The following DMD variants were observed in gnomAD, a reference collection of about 807,000 sequenced individuals.
The protein encoded by DMD is mutant dystrophin.
In DMD, 63 loss-of-function variants were observed where a neutral mutation model predicts 330.1. The ratio of observed to expected loss-of-function variants is 0.19; its 90% CI spans 0.16 to 0.24. DMD has a LOEUF of 0.24. Among genes scored for constraint, DMD ranks in the 10% least tolerant of loss-of-function variants. The pLI, the probability that DMD is intolerant of heterozygous loss-of-function variation, is 1.00. For missense variants in DMD, 3,344 were observed against 2,684.1 expected (o/e 1.25, Z -5.43); for synonymous variants, 1,223 against 959.8 (o/e 1.27, Z -5.07).
intron 2 of DMD, among the ~76,000 whole-genome samples, chrX:32,977,324 G>T (rs1245508927): frequency 9.0e-6 from 1 of 110,686 alleles, no homozygotes; most frequent in Non-Finnish European, 1.9e-5. Context: ...AAGAAATAAT[G>T]TATACATATT....
chrX:32,506,976 G>C (rs868004428), intron 18 of DMD, among the ~76,000 whole-genome samples: 18 of 111,515 alleles, frequency 1.6e-4, no homozygotes, highest in South Asian at 1.1e-3. Flanking sequence ...TAGTTTTTGT[G>C]ATCTAAGTTA....
chrX:31,197,198 G>A (rs1340975807), intron 67 of DMD, among the ~76,000 whole-genome samples: 3 of 111,573 alleles, frequency 2.7e-5, no homozygotes, highest in Non-Finnish European at 3.8e-5. Context: ...CAGTCACACA[G>A]CCAGCAAATA....
At chrX:32,816,370 A>T in intron 6 of DMD, 98 bp downstream of exon 6, 1 of 928,833 alleles carries the variant, frequency 1.1e-6, no homozygotes, top group East Asian at 3.1e-5. Flanking sequence ...CATGTTGTAA[A>T]GTAGGACATG....
intron 13 of DMD, among the ~76,000 whole-genome samples, chrX:32,581,474 A>T (rs1192212521): frequency 8.9e-6 from 1 of 111,820 alleles, no homozygotes; most frequent in African/African-American, 3.3e-5. Flanking sequence ...TAGCTAATAA[A>T]CTACTATTAA....
intron 63 of DMD, among the ~76,000 whole-genome samples, chrX:31,249,441 C>T (rs2049132236): frequency 9.0e-6 from 1 of 111,351 alleles, no homozygotes; most frequent in African/African-American, 3.3e-5. Context: ...GATGGGGTTT[C>T]ACCGTGTTGC....
intron 63 of DMD, among the ~76,000 whole-genome samples, chrX:31,231,225 C>T (rs1401354324): frequency 1.8e-5 from 2 of 110,429 alleles, no homozygotes; most frequent in Non-Finnish European, 3.8e-5. Context: ...GCAGTGTTGC[C>T]TGATCTTTTA....
intron 51 of DMD, among the ~76,000 whole-genome samples, chrX:31,772,845 A>G (rs1318076408): frequency 9.0e-6 from 1 of 111,571 alleles, no homozygotes; most frequent in East Asian, 2.8e-4. Flanking sequence ...ATATTTATAT[A>G]CATCCATATC....
At chrX:31,827,188 TG>T (rs2092912517) in intron 49 of DMD, among the ~76,000 whole-genome samples, 1 of 111,965 alleles carries the variant, frequency 8.9e-6, no homozygotes, top group Admixed American at 9.6e-5. Context: ...ATTATATGCT[TG>T]TATCAAAATA....
At chrX:33,102,603 T>C (rs962258281) in intron 1 of DMD, among the ~76,000 whole-genome samples, 4 of 111,613 alleles carry the variant, frequency 3.6e-5, no homozygotes, top group African/African-American at 1.3e-4. Context: ...ATAATAATGA[T>C]GTATTTCTCT....
intron 43 of DMD, among the ~76,000 whole-genome samples, chrX:32,261,592 AT>A (rs1279527300): frequency 8.9e-6 from 1 of 112,090 alleles, no homozygotes; most frequent in Non-Finnish European, 1.9e-5. Flanking sequence ...AGAGAACTTT[AT>A]AAAATTTGTG....
intron 20 of DMD, 122 bp downstream of exon 20, chrX:32,491,155 C>G (rs201487603): frequency 1.1e-6 from 1 of 910,663 alleles, no homozygotes; most frequent in Non-Finnish European, 1.6e-6. Flanking sequence ...AACTTTATTG[C>G]GCTTAGCTAA....
chrX:31,837,106 T>C (rs912265944), intron 48 of DMD, among the ~76,000 whole-genome samples: 1 of 112,270 alleles, frequency 8.9e-6, no homozygotes, highest in African/African-American at 3.2e-5. Context: ...GACAATACAA[T>C]TTATTAACAT....
At chrX:31,953,042 C>T (rs1204693585) in intron 45 of DMD, among the ~76,000 whole-genome samples, 5 of 112,101 alleles carry the variant, frequency 4.5e-5, no homozygotes, top group African/African-American at 1.6e-4. Context: ...TACCTCAAGC[C>T]AGTAAGACTT....
At chrX:31,806,834 A>G (rs1175393399) in intron 50 of DMD, among the ~76,000 whole-genome samples, 1 of 112,841 alleles carries the variant, frequency 8.9e-6, no homozygotes. Flanking sequence ...ATCCATTATG[A>G]TAAGTGGTAA....
intron 1 of DMD, among the ~76,000 whole-genome samples, chrX:33,300,391 G>C (rs2148937601): frequency 8.9e-6 from 1 of 112,166 alleles, no homozygotes; most frequent in African/African-American, 3.2e-5. Context: ...ATATGATCAG[G>C]TGAAAACTTC....
At chrX:32,891,706 A>G (rs1421092329) in intron 2 of DMD, among the ~76,000 whole-genome samples, 1 of 112,034 alleles carries the variant, frequency 8.9e-6, no homozygotes, top group Non-Finnish European at 1.9e-5. Context: ...AAATGAAAAC[A>G]TAAGGAGAGT....
chrX:33,006,442 A>G (rs2093397748), intron 2 of DMD, among the ~76,000 whole-genome samples: 1 of 112,085 alleles, frequency 8.9e-6, no homozygotes, highest in Non-Finnish European at 1.9e-5. Flanking sequence ...CCACATGAAT[A>G]CAGTTTACTG....
In DMD at chrX:31,721,702, C is replaced by A. The variant is rs868839416; in HGVS notation, c.7660+7929G>T. ...TCTCTCTCACTCTCTCTCTCTCTCT[C>A]TCTCTCTCTCTCTCTCTATATATAT... On this transcript the variant is annotated intron_variant, in intron 52 of 78. Transcript: ENST00000357033. 2.4e-3 allele frequency among the ~76,000 whole-genome samples: 140 copies of A among 57,761 alleles called. 1 individual carries two copies. Among genetic ancestry groups the A allele is most frequent in the Middle Eastern group, 8.3e-3 (1 of 120 alleles). 50.2% of individuals were successfully genotyped at this position (57,761 alleles called of 115,157 possible).
At chrX:32,047,518 T>A (rs1294773720) in intron 44 of DMD, among the ~76,000 whole-genome samples, 1 of 111,367 alleles carries the variant, frequency 9.0e-6, no homozygotes, top group Non-Finnish European at 1.9e-5. Context: ...TTAGAAAGAG[T>A]CTAGCAAACA....
Sources: gnomAD v4.1 joint callset for allele counts (sites outside exome capture counted in the v4.1 genomes callset) on GRCh38, gnomAD v4.1.1 for gene constraint, MANE v1.5 for transcripts, NCBI Gene and HGNC (gene_info 2026-07-23, HGNC 2026-07-21) for gene names.